C3orf70: variants seen among roughly 807,000 people sequenced by gnomAD.
C3orf70 encodes the protein chromosome 3 open reading frame 70.
A neutral mutation model predicts 20.7 loss-of-function variants in C3orf70; 15 were observed. The ratio of observed to expected loss-of-function variants is 0.72; its 90% CI spans 0.48 to 1.11. The LOEUF is 1.11. C3orf70 is among the 50% of genes most tolerant of loss of function. The pLI is 0.00. For missense variants in C3orf70, 332 were observed against 317.6 expected (o/e 1.05, Z -0.34); for synonymous variants, 161 against 125.7 (o/e 1.28, Z -1.88).
chr3:185,125,425 ACAAC>A (rs1716390108), intron 1 of C3orf70, among the ~76,000 whole-genome samples: 3 of 143,188 alleles, frequency 2.1e-5, no homozygotes, highest in Non-Finnish European at 4.6e-5. Flanking sequence ...AACAACAACA[ACAAC>A]AAAAACCAGT....
At chr3:185,139,426 G>A (rs975156256) in intron 1 of C3orf70, among the ~76,000 whole-genome samples, 1 of 151,458 alleles carries the variant, frequency 6.6e-6, no homozygotes, top group African/African-American at 2.4e-5. Flanking sequence ...GGTGGTGCAC[G>A]CCTGTAATCC....
At chr3:185,097,144 G>A (rs981919835) in intron 1 of C3orf70, among the ~76,000 whole-genome samples, 1 of 152,072 alleles carries the variant, frequency 6.6e-6, no homozygotes, top group Admixed American at 6.6e-5. Context: ...AATGACCAAG[G>A]TATGGGATTT....
intron 1 of C3orf70, among the ~76,000 whole-genome samples, chr3:185,090,025 A>G (rs1715532192): frequency 6.6e-6 from 1 of 152,220 alleles, no homozygotes; most frequent in Admixed American, 6.5e-5. Context: ...GAGTTATTAC[A>G]TTCTCAAACT....
intron 1 of C3orf70, among the ~76,000 whole-genome samples, chr3:185,132,373 T>C (rs1716539542): frequency 6.6e-6 from 1 of 152,000 alleles, no homozygotes; most frequent in South Asian, 2.1e-4. Flanking sequence ...TGAGGAAGTC[T>C]TTTTCAAAAT....
chr3:185,139,075 C>T (rs760773122), intron 1 of C3orf70, among the ~76,000 whole-genome samples: 13 of 151,148 alleles, frequency 8.6e-5, no homozygotes, highest in Non-Finnish European at 1.5e-4. Context: ...GCACTCTAGC[C>T]TGGGCGACAG....
At chr3:185,103,502 A>G (rs1158668622) in intron 1 of C3orf70, among the ~76,000 whole-genome samples, 1 of 12,870 alleles carries the variant, frequency 7.8e-5, no homozygotes, top group African/African-American at 3.8e-4. Context: ...AATTTACAAG[A>G]AAAAAAAAAC....
chr3:185,143,126 A>G (rs773959320), intron 1 of C3orf70, among the ~76,000 whole-genome samples: 3 of 152,188 alleles, frequency 2.0e-5, no homozygotes, highest in Non-Finnish European at 2.9e-5. Context: ...TTGTGGTTAC[A>G]TAGAAAAATG....
At chr3:185,098,677 C>T (rs545533571) in intron 1 of C3orf70, among the ~76,000 whole-genome samples, 1 of 152,220 alleles carries the variant, frequency 6.6e-6, no homozygotes, top group East Asian at 1.9e-4. Context: ...TTCAAAACTA[C>T]TCATTTTACT....
chr3:185,083,794 G>GATA (rs1715404605), intron 1 of C3orf70, among the ~76,000 whole-genome samples: 1 of 152,084 alleles, frequency 6.6e-6, no homozygotes, highest in African/African-American at 2.4e-5. Flanking sequence ...TTATATTTGT[G>GATA]TCTTTCTGAT....
In C3orf70 at chr3:185,083,515, G is replaced by A; in HGVS notation, c.245C>T (p.Thr82Ile). The change falls in exon 2 of 2, where the codon ACT becomes ATT. Residue 82 changes from threonine (T) to isoleucine (I), a missense_variant. Physicochemically the swap from Thr to Ile is moderately conservative, Grantham distance 89. Transcript: ENST00000335012. Reference protein sequence around the residue: ...PMTPVEQLPSTEIPARPREPT... With the variant: ...PMTPVEQLPSIEIPARPREPT... ...TTCCCGAGGCCTGGCAGGAATCTCA[G>A]TGCTTGGAAGCTGTTCCACAGGGGT... 3 of 1,612,910 alleles carry A rather than the reference G, an allele frequency of 1.9e-6. No individual in the cohort carries two copies. The highest frequency in any genetic ancestry group is 2.5e-6 in the Non-Finnish European group (3 of 1,179,666).
At chr3:185,097,477 A>G (rs1245434231) in intron 1 of C3orf70, among the ~76,000 whole-genome samples, 2 of 152,222 alleles carry the variant, frequency 1.3e-5, no homozygotes, top group Non-Finnish European at 2.9e-5. Flanking sequence ...GGCATATAAA[A>G]CTACTGAGTT....
intron 1 of C3orf70, among the ~76,000 whole-genome samples, chr3:185,091,390 G>A (rs1012778931): frequency 6.6e-6 from 1 of 152,124 alleles, no homozygotes; most frequent in African/African-American, 2.4e-5. Flanking sequence ...TAAGCCAAGG[G>A]GTTCAGATTT....
intron 1 of C3orf70, among the ~76,000 whole-genome samples, chr3:185,109,406 T>C (rs1333665125): frequency 1.3e-5 from 2 of 152,208 alleles, no homozygotes; most frequent in African/African-American, 4.8e-5. Flanking sequence ...AACTTTATCA[T>C]GAGCCAGATG....
At chr3:185,123,691 ATATG>A (rs375252190) in intron 1 of C3orf70, among the ~76,000 whole-genome samples, 142 of 152,136 alleles carry the variant, frequency 9.3e-4, no homozygotes, top group African/African-American at 3.4e-3. Context: ...ATTGTGATAC[ATATG>A]TGACTGTTGT....
chr3:185,129,343 T>C lies in C3orf70; in HGVS notation c.196+23285A>G, dbSNP rs1308151911. On this transcript the variant is annotated intron_variant, in intron 1 of 1. Coordinates refer to ENST00000335012, the MANE Select transcript of C3orf70 (RefSeq NM_001025266.3). ...ATGCGCTATTTGGTTTTCTAGTTTT[T>C]GCATTCATTCACTTAGGATAATGGC... Among the ~76,000 whole-genome samples the C allele has an allele frequency of 2.0e-5, 3 of 152,236 alleles. No homozygotes were observed. The East Asian group carries it at 5.8e-4, about 29-fold the overall frequency.
chr3:185,149,832 T>C (rs1716952604), intron 1 of C3orf70, among the ~76,000 whole-genome samples: 1 of 152,130 alleles, frequency 6.6e-6, no homozygotes, highest in Admixed American at 6.6e-5. Flanking sequence ...AAAGAACAAA[T>C]AACTGTAGTC....
chr3:185,139,295 G>C (rs1047003724), intron 1 of C3orf70, among the ~76,000 whole-genome samples: 7 of 152,062 alleles, frequency 4.6e-5, no homozygotes, highest in African/African-American at 1.7e-4. Flanking sequence ...GCTCACGCCT[G>C]TAATCCCAGC....
In C3orf70 at chr3:185,114,394, T is replaced by C. The variant is rs762619627; in HGVS notation, c.197-30831A>G. 6.6e-5 allele frequency among the ~76,000 whole-genome samples: 10 copies of C among 152,214 alleles called. No homozygotes were observed. In the East Asian group the frequency reaches 1.2e-3, roughly 18 times the overall value. ...CAAGAATTAACAGCATTTTTCCAGA[T>C]AGTCTCTATCATGTAAATATGTTTT... On this transcript the variant is annotated intron_variant, in intron 1 of 1. Transcript: ENST00000335012.
chr3:185,123,731 C>T (rs1716356309), intron 1 of C3orf70, among the ~76,000 whole-genome samples: 1 of 152,002 alleles, frequency 6.6e-6, no homozygotes, highest in African/African-American at 2.4e-5. Flanking sequence ...TTTATGATTA[C>T]AAAAATATAT....
Sources: allele counts gnomAD v4.1 joint callset (sites outside exome capture counted in the v4.1 genomes callset), GRCh38; gene constraint gnomAD v4.1.1; transcripts MANE v1.5; gene names NCBI Gene and HGNC (gene_info 2026-07-23, HGNC 2026-07-21).